NRXN3: variants seen among roughly 807,000 people sequenced by gnomAD.
NRXN3 encodes the protein neurexin III.
In NRXN3, 32 loss-of-function variants were observed where a neutral mutation model predicts 137.6. That is an observed-to-expected ratio of 0.23 (90% CI 0.18 to 0.31). The LOEUF is 0.31. Among genes scored for constraint, NRXN3 ranks in the 10% least tolerant of loss-of-function variants. The pLI, the probability that NRXN3 is intolerant of heterozygous loss-of-function variation, is 1.00. For synonymous variants in NRXN3, 798 were observed against 784.5 expected (o/e 1.02, Z -0.29); for missense variants, 1,574 against 2,062.5 (o/e 0.76, Z 4.59).
chr14:78,394,784 AT>A lies in NRXN3; in HGVS notation c.757+96927del, dbSNP rs1272704905. 1.3e-5 allele frequency among the ~76,000 whole-genome samples: 2 copies of A among 151,884 alleles called. 1 individual carries two copies. The highest frequency in any genetic ancestry group is 3.9e-4 in the East Asian group (2 of 5,192). ...CAAATGATCTCTTCCATATTCAATG[AT>A]TTGGGGTAGACAGTGTTTTTTTGAG... On this transcript the variant is annotated intron_variant, in intron 4 of 20. Transcript: ENST00000335750.
At chr14:79,297,578 A>T (rs2084397101) in intron 15 of NRXN3, among the ~76,000 whole-genome samples, 1 of 152,160 alleles carries the variant, frequency 6.6e-6, no homozygotes, top group Non-Finnish European at 1.5e-5. Context: ...AAATGAGTTT[A>T]AAAAATATTC....
intron 16 of NRXN3, among the ~76,000 whole-genome samples, chr14:79,588,696 A>G (rs1426160592): frequency 6.6e-6 from 1 of 152,180 alleles, no homozygotes; most frequent in East Asian, 1.9e-4. Context: ...GTGGGTAACA[A>G]ATGAACTGAG....
At chr14:79,624,790 C>CCT (rs1567698949) in intron 16 of NRXN3, among the ~76,000 whole-genome samples, 2 of 119,494 alleles carry the variant, frequency 1.7e-5, no homozygotes, top group African/African-American at 8.4e-5. Context: ...CTTTCTTTCC[C>CCT]GTTTTTTTTT....
At chr14:79,806,092 G>A (rs748466623) in intron 20 of NRXN3, among the ~76,000 whole-genome samples, 1 of 152,142 alleles carries the variant, frequency 6.6e-6, no homozygotes, top group African/African-American at 2.4e-5. Context: ...TCGAATTTCT[G>A]TGTATGTTTA....
intron 9 of NRXN3, 143 bp downstream of exon 9, chr14:78,803,966 C>T (rs1415966663): frequency 9.0e-6 from 7 of 778,564 alleles, no homozygotes; most frequent in Non-Finnish European, 1.5e-5. Context: ...GGATAAAACC[C>T]AACAGCAGCG....
chr14:79,655,602 C>T (rs983003009), intron 16 of NRXN3, among the ~76,000 whole-genome samples: 1 of 151,964 alleles, frequency 6.6e-6, no homozygotes, highest in African/African-American at 2.4e-5. Context: ...AATACATGCT[C>T]TATGGATATT....
At chr14:78,189,219 A>C (rs1436408194) in intron 1 of NRXN3, among the ~76,000 whole-genome samples, 5 of 151,940 alleles carry the variant, frequency 3.3e-5, no homozygotes, top group Middle Eastern at 3.2e-3. Context: ...AGCCGCCCCC[A>C]CCACCACTTG....
At chr14:78,344,032 G>C (rs1460534805) in intron 4 of NRXN3, among the ~76,000 whole-genome samples, 1 of 152,150 alleles carries the variant, frequency 6.6e-6, no homozygotes, top group Non-Finnish European at 1.5e-5. Flanking sequence ...GTCTGCAGTG[G>C]GTGGCTATTG....
At chr14:79,050,448 A>G (rs2099640243) in intron 15 of NRXN3, among the ~76,000 whole-genome samples, 1 of 152,206 alleles carries the variant, frequency 6.6e-6, no homozygotes, top group Admixed American at 6.5e-5. Context: ...ACAGTGGTTG[A>G]AGCTGAAATA....
intron 1 of NRXN3, among the ~76,000 whole-genome samples, chr14:78,191,814 G>A (rs761764412): frequency 2.0e-5 from 3 of 152,172 alleles, no homozygotes; most frequent in South Asian, 2.1e-4. Flanking sequence ...CCACCATGCC[G>A]ATGGGTCAGA....
intron 7 of NRXN3, among the ~76,000 whole-genome samples, chr14:78,711,712 A>G (rs1308890400): frequency 6.6e-6 from 1 of 152,122 alleles, no homozygotes; most frequent in Non-Finnish European, 1.5e-5. Flanking sequence ...AAGTGCTGGG[A>G]TTACAGGAGT....
chr14:78,496,626 G>T (rs2095790015), intron 4 of NRXN3, among the ~76,000 whole-genome samples: 1 of 152,040 alleles, frequency 6.6e-6, no homozygotes, highest in South Asian at 2.1e-4. Flanking sequence ...AAGAGGCAAT[G>T]CAATAAACAT....
At chr14:78,527,436 G>A (rs2096397223) in intron 4 of NRXN3, among the ~76,000 whole-genome samples, 1 of 152,120 alleles carries the variant, frequency 6.6e-6, no homozygotes, top group Admixed American at 6.5e-5. Flanking sequence ...GTACCAAGGA[G>A]GATGGTGTTA....
intron 4 of NRXN3, among the ~76,000 whole-genome samples, chr14:78,449,580 C>A (rs186340477): frequency 6.6e-6 from 1 of 152,178 alleles, no homozygotes; most frequent in African/African-American, 2.4e-5. Flanking sequence ...ATATTTTTCT[C>A]TATTTTTTAT....
At chr14:78,941,181 C>A (rs543993076) in intron 10 of NRXN3, among the ~76,000 whole-genome samples, 18 of 152,190 alleles carry the variant, frequency 1.2e-4, no homozygotes, top group African/African-American at 4.3e-4. Context: ...TCATAGCCAG[C>A]ATCACCTTAA....
intron 4 of NRXN3, among the ~76,000 whole-genome samples, chr14:78,524,000 C>G (rs1289097341): frequency 6.6e-6 from 1 of 152,036 alleles, no homozygotes; most frequent in East Asian, 1.9e-4. Flanking sequence ...AATCAATGTC[C>G]TGGGTTCTGT....
chr14:79,152,478 C>T (rs1230040324), intron 15 of NRXN3, among the ~76,000 whole-genome samples: 2 of 151,940 alleles, frequency 1.3e-5, no homozygotes, highest in Non-Finnish European at 2.9e-5. Flanking sequence ...TCTGTTCTCA[C>T]ACTGCTAATA....
intron 19 of NRXN3, among the ~76,000 whole-genome samples, chr14:79,705,502 C>T (rs2098774116): frequency 6.6e-6 from 1 of 152,058 alleles, no homozygotes; most frequent in Admixed American, 6.6e-5. Context: ...GATTTTTTTC[C>T]TGCATTAATA....
At chr14:79,222,571 G>A (rs2069974691) in intron 15 of NRXN3, among the ~76,000 whole-genome samples, 1 of 152,160 alleles carries the variant, frequency 6.6e-6, no homozygotes, top group South Asian at 2.1e-4. Flanking sequence ...TGTATGGTAA[G>A]TGTATGTTTA....
Sources: gnomAD v4.1 joint callset for allele counts (sites outside exome capture counted in the v4.1 genomes callset) on GRCh38, gnomAD v4.1.1 for gene constraint, MANE v1.5 for transcripts, NCBI Gene and HGNC (gene_info 2026-07-23, HGNC 2026-07-21) for gene names.